ARHGEF38: variants seen among roughly 807,000 people sequenced by gnomAD.
ARHGEF38 encodes the protein Rho guanine nucleotide exchange factor (GEF) 38.
ARHGEF38 carries 79 observed loss-of-function variants against 79.9 expected under a neutral mutation model. That is an observed-to-expected ratio of 0.99 (90% CI 0.82 to 1.19). The LOEUF (loss-of-function observed/expected upper bound fraction) is 1.19, where lower values mean the gene tolerates loss of function less well. ARHGEF38 is among the 50% of genes most tolerant of loss of function. The probability of loss-of-function intolerance (pLI) is 0.00; values close to 1 mark genes in which losing one functional copy is unlikely to be tolerated. For synonymous variants in ARHGEF38, 366 were observed against 328.3 expected, an observed-to-expected ratio of 1.11 and a Z score of -1.24; for missense variants, 962 against 907.2, an observed-to-expected ratio of 1.06 and a Z score of -0.78.
At chr4:105,614,443 T>C (rs892145222) in intron 3 of ARHGEF38, among the ~76,000 whole-genome samples, 2 of 152,182 alleles carry the variant, frequency 1.3e-5, no homozygotes, top group African/African-American at 4.8e-5. Flanking sequence ...AAACACTTTA[T>C]GTCTTTACTG....
chr4:105,587,389 A>G (rs541447537), intron 1 of ARHGEF38, among the ~76,000 whole-genome samples: 1 of 152,358 alleles, frequency 6.6e-6, no homozygotes, highest in South Asian at 2.1e-4. Context: ...GCTACAGGAT[A>G]TCTCATGCAT....
intron 1 of ARHGEF38, among the ~76,000 whole-genome samples, chr4:105,559,317 C>T (rs188380368): frequency 3.9e-5 from 6 of 152,172 alleles, no homozygotes; most frequent in African/African-American, 1.2e-4. Context: ...TTGCTTGGAC[C>T]GCTTCTTATC....
chr4:105,567,903 G>T (rs1448192813), intron 1 of ARHGEF38, among the ~76,000 whole-genome samples: 1 of 151,102 alleles, frequency 6.6e-6, no homozygotes, highest in Non-Finnish European at 1.5e-5. Flanking sequence ...CTAGCATTAG[G>T]TATATTTCCC....
chr4:105,623,719 A>G lies in ARHGEF38; in HGVS notation c.509-7179A>G, dbSNP rs563654229. On this transcript the variant is annotated intron_variant, in intron 3 of 13. Transcript: ENST00000420470. ...CTAATATTTCAAGAGCATCTATTCC[A>G]TTACTGAGACAAAAACAGTAAGAGC... Among the ~76,000 whole-genome samples the G allele has an allele frequency of 3.3e-5, 5 of 152,316 alleles. No homozygotes were observed. In the South Asian group the frequency reaches 1.0e-3, roughly 32 times the overall value.
At chr4:105,560,665 G>A (rs1460940311) in intron 1 of ARHGEF38, among the ~76,000 whole-genome samples, 1 of 152,138 alleles carries the variant, frequency 6.6e-6, no homozygotes. Context: ...GAGAATAAAT[G>A]AATAGTCTAA....
chr4:105,671,681 T>C lies in ARHGEF38; in HGVS notation c.2148+3978T>C, dbSNP rs1299632795. Among the ~76,000 whole-genome samples the C allele has an allele frequency of 2.0e-5, 3 of 152,148 alleles. No homozygotes were observed. The East Asian group carries it at 5.8e-4, about 29-fold the overall frequency. On this transcript the variant is annotated intron_variant, in intron 13 of 13. Transcript: ENST00000420470. Reference sequence around the variant, plus strand: ...AATGTGATCAAAAGTGGAAGAAAATTATATCTTCTTTACCAACAGTGAGAA... The same window carrying C: ...AATGTGATCAAAAGTGGAAGAAAATCATATCTTCTTTACCAACAGTGAGAA...
chr4:105,564,167 ACAAT>A (rs1725772478), intron 1 of ARHGEF38, among the ~76,000 whole-genome samples: 1 of 152,174 alleles, frequency 6.6e-6, no homozygotes, highest in Admixed American at 6.6e-5. Flanking sequence ...GATTTTACAG[ACAAT>A]CTATTGTGCA....
chr4:105,574,964 CACATATATATA>C (rs1053424040), intron 1 of ARHGEF38, among the ~76,000 whole-genome samples: 7 of 150,206 alleles, frequency 4.7e-5, no homozygotes, highest in African/African-American at 1.7e-4. Flanking sequence ...TATATGCACA[CACATATATATA>C]GCATATATAT....
intron 10 of ARHGEF38, among the ~76,000 whole-genome samples, chr4:105,661,796 C>G (rs1311503234): frequency 6.6e-6 from 1 of 152,074 alleles, no homozygotes; most frequent in East Asian, 1.9e-4. Flanking sequence ...CCTGTATTAC[C>G]ATACATTGTT....
intron 13 of ARHGEF38, among the ~76,000 whole-genome samples, chr4:105,671,782 T>G (rs1446584904): frequency 1.3e-5 from 2 of 152,222 alleles, no homozygotes; most frequent in African/African-American, 2.4e-5. Context: ...TAGACTTTCG[T>G]TCTTGATTTT....
chr4:105,561,428 T>TGG (rs1560684320), intron 1 of ARHGEF38, among the ~76,000 whole-genome samples: 699 of 46,672 alleles, frequency 0.015, 37 homozygotes, highest in Non-Finnish European at 0.019. Flanking sequence ...TAGAATGGAA[T>TGG]AGAATAGAAT....
At chr4:105,648,218 TCC>T (rs1316818903) in intron 6 of ARHGEF38, among the ~76,000 whole-genome samples, 1 of 152,018 alleles carries the variant, frequency 6.6e-6, no homozygotes, top group African/African-American at 2.4e-5. Flanking sequence ...AGATCTTGAT[TCC>T]CCATTCCAGA....
intron 1 of ARHGEF38, among the ~76,000 whole-genome samples, chr4:105,571,171 A>G (rs192437431): frequency 1.7e-4 from 26 of 152,314 alleles, no homozygotes; most frequent in African/African-American, 4.6e-4. Flanking sequence ...ACCATTATAC[A>G]TTTTATGTCA....
intron 3 of ARHGEF38, among the ~76,000 whole-genome samples, chr4:105,618,972 G>A (rs1578317888): frequency 6.6e-6 from 1 of 152,160 alleles, no homozygotes; most frequent in East Asian, 1.9e-4. Context: ...CAACTTTTCT[G>A]TAAATCAAAA....
Position 105,654,769 on chromosome 4 carries a change from C to G in ARHGEF38, c.1113+600C>G, listed in dbSNP as rs146759861. Among the ~76,000 whole-genome samples the G allele has an allele frequency of 2.5e-3, 380 of 152,202 alleles. 2 individuals carry two copies. The highest frequency in any genetic ancestry group is 8.6e-3 in the African/African-American group (356 of 41,538). On this transcript the variant is annotated intron_variant, in intron 8 of 13. Transcript: ENST00000420470. The stretch of plus-strand genomic sequence containing the variant: ...AAACCAGTCAGAGGTTTTTTCTAAT[C>G]GATCTCATAAAGAGGAAACAGTGTC...
chr4:105,662,050 T>C (rs1371271490), intron 10 of ARHGEF38, among the ~76,000 whole-genome samples: 2 of 152,190 alleles, frequency 1.3e-5, no homozygotes, highest in Non-Finnish European at 2.9e-5. Flanking sequence ...ATTCCCTGCT[T>C]AACTATGTAC....
intron 3 of ARHGEF38, among the ~76,000 whole-genome samples, chr4:105,619,244 A>ATGTT (rs913052627): frequency 2.0e-5 from 3 of 151,766 alleles, no homozygotes; most frequent in African/African-American, 7.3e-5. Context: ...GTTCTACAAC[A>ATGTT]GCATTATCAC....
downstream of ARHGEF38, among the ~76,000 whole-genome samples, chr4:105,681,595 T>G (rs1731312577): frequency 6.6e-6 from 1 of 152,190 alleles, no homozygotes; most frequent in Non-Finnish European, 1.5e-5. Context: ...GCTGGTTAAT[T>G]TGTTAGCTTG....
At chr4:105,633,442 C>A (rs1213035022) in intron 4 of ARHGEF38, among the ~76,000 whole-genome samples, 1 of 152,168 alleles carries the variant, frequency 6.6e-6, no homozygotes, top group Non-Finnish European at 1.5e-5. Context: ...GCTTGGTTTT[C>A]CTGGCCAAGT....
Sources: gnomAD v4.1 joint callset for allele counts (sites outside exome capture counted in the v4.1 genomes callset) on GRCh38, gnomAD v4.1.1 for gene constraint, MANE v1.5 for transcripts, NCBI Gene and HGNC (gene_info 2026-07-23, HGNC 2026-07-21) for gene names.